ASPH: variants seen among roughly 807,000 people sequenced by gnomAD.
The protein encoded by ASPH is aspartate beta-hydroxylase, also known as aspartyl/asparaginyl beta-hydroxylase.
A neutral mutation model predicts 118.4 loss-of-function variants in ASPH; 100 were observed. The observed-to-expected ratio is 0.84, with a 90% CI of 0.72 to 1.00. The LOEUF (loss-of-function observed/expected upper bound fraction) is 1.00, where lower values mean the gene tolerates loss of function less well. ASPH is among the 50% of genes least tolerant of loss of function. The probability of loss-of-function intolerance (pLI) is 0.00; values close to 1 mark genes in which losing one functional copy is unlikely to be tolerated. For synonymous variants in ASPH, 315 were observed against 325.6 expected (o/e 0.97, Z 0.35); for missense variants, 920 against 919.5 (o/e 1.00, Z -0.01).
chr8:61,536,765 G>A (rs1322273667), intron 21 of ASPH, among the ~76,000 whole-genome samples: 1 of 152,158 alleles, frequency 6.6e-6, no homozygotes, highest in African/African-American at 2.4e-5. Context: ...CTGGCTTCCT[G>A]CAAGTCTGAC....
intron 14 of ASPH, among the ~76,000 whole-genome samples, chr8:61,586,629 G>A (rs1839540881): frequency 6.6e-6 from 1 of 152,136 alleles, no homozygotes; most frequent in Non-Finnish European, 1.5e-5. Flanking sequence ...CCTGAACACA[G>A]GGAATTTAAC....
chr8:61,708,149 GCATTACTCTCTA>G, intron 1 of ASPH, among the ~76,000 whole-genome samples: 1 of 152,198 alleles, frequency 6.6e-6, no homozygotes. Flanking sequence ...GGCATCCACT[GCATTACTCTCTA>G]CAATTATTTA....
Position 61,645,517 on chromosome 8 carries a change from A to G in ASPH, c.620-885T>C, listed in dbSNP as rs1427770457. 6.6e-5 allele frequency among the ~76,000 whole-genome samples: 10 copies of G among 152,356 alleles called. No individual in the cohort carries two copies. In the South Asian group the frequency reaches 1.0e-3, roughly 16 times the overall value. ...AATCATTTTATCAGTATCCCTACTC[A>G]GAAACTGGAAACCTTGTCCCAAAGA... On this transcript the variant is annotated intron_variant, in intron 6 of 24. Transcript: ENST00000379454.
At chr8:61,617,039 C>CTTTGAAGTT (rs1365641597) in intron 14 of ASPH, among the ~76,000 whole-genome samples, 2 of 152,212 alleles carry the variant, frequency 1.3e-5, no homozygotes. Context: ...GATTATTACA[C>CTTTGAAGTT]ATCCAACACA....
At chr8:61,543,617 G>C (rs1452194976) in intron 21 of ASPH, among the ~76,000 whole-genome samples, 1 of 152,042 alleles carries the variant, frequency 6.6e-6, no homozygotes, top group Non-Finnish European at 1.5e-5. Context: ...TCAGCATCAG[G>C]GCCCCTCACA....
At chr8:61,617,002 C>T (rs73265199) in intron 14 of ASPH, among the ~76,000 whole-genome samples, 2,174 of 152,234 alleles carry the variant, frequency 0.014, 55 homozygotes, top group African/African-American at 0.05. Flanking sequence ...GATCAGGAGT[C>T]GGTTTTAGAC....
intron 13 of ASPH, chr8:61,624,405 G>A: frequency 4.1e-6 from 4 of 985,266 alleles, no homozygotes; most frequent in Non-Finnish European, 3.6e-6. Flanking sequence ...TTAACTGGCT[G>A]AAGGTATTCC....
chr8:61,664,967 T>C, intron 3 of ASPH: 1 of 1,150,682 alleles, frequency 8.7e-7, no homozygotes, highest in Non-Finnish European at 1.1e-6. Context: ...TTCAATATAT[T>C]AATCCATAAA....
chr8:61,585,517 C>T (rs970737640), intron 14 of ASPH, among the ~76,000 whole-genome samples: 2 of 152,224 alleles, frequency 1.3e-5, no homozygotes, highest in African/African-American at 2.4e-5. Flanking sequence ...GTCCCCTCTC[C>T]GCCAACACAC....
chr8:61,513,831 G>C (rs528106841), intron 24 of ASPH, among the ~76,000 whole-genome samples: 7 of 152,062 alleles, frequency 4.6e-5, no homozygotes, highest in Non-Finnish European at 8.8e-5. Context: ...GCCTCTGCTA[G>C]GTGAAGATGG....
chr8:61,664,756 A>G, intron 3 of ASPH: 1 of 986,234 alleles, frequency 1.0e-6, no homozygotes, highest in Non-Finnish European at 1.2e-6. Flanking sequence ...AGGGCTGGAG[A>G]GGAGGGAAGG....
chr8:61,714,168 C>T, intron 1 of ASPH, 101 bp downstream of exon 1: 2 of 1,272,170 alleles, frequency 1.6e-6, no homozygotes, highest in South Asian at 2.5e-5. Flanking sequence ...GGAGGCGGCG[C>T]GCGGTGGGAC....
chr8:61,538,318 C>G (rs566512338), intron 21 of ASPH, among the ~76,000 whole-genome samples: 1 of 152,308 alleles, frequency 6.6e-6, no homozygotes, highest in East Asian at 1.9e-4. Flanking sequence ...GTGAAAGTGT[C>G]ATCGAAACCC....
intron 3 of ASPH, among the ~76,000 whole-genome samples, chr8:61,666,568 C>A (rs936384984): frequency 6.6e-6 from 1 of 152,144 alleles, no homozygotes. Flanking sequence ...ATAAAACTTA[C>A]ATAGCACAAA....
chr8:61,619,695 A>C (rs138959791), intron 13 of ASPH, among the ~76,000 whole-genome samples: 51 of 152,304 alleles, frequency 3.3e-4, no homozygotes, highest in Non-Finnish European at 6.3e-4. Flanking sequence ...CATGGAAAAC[A>C]ACAGCATATG....
At chr8:61,635,263 T>C (rs1857222893) in intron 12 of ASPH, among the ~76,000 whole-genome samples, 2 of 152,142 alleles carry the variant, frequency 1.3e-5, no homozygotes, top group Non-Finnish European at 2.9e-5. Context: ...ACACAATGGC[T>C]GTTCACCTTC....
chr8:61,546,433 T>C (rs1823894364), intron 21 of ASPH, among the ~76,000 whole-genome samples: 1 of 152,112 alleles, frequency 6.6e-6, no homozygotes, highest in South Asian at 2.1e-4. Context: ...TGGGATCCAA[T>C]CTGAGGGAGG....
chr8:61,675,434 GAA>G lies in ASPH; in HGVS notation c.322+5532_322+5533del, dbSNP rs564017462. ...ACAGAAATATGTCATGCTACTATCTGAAAACAGTAAGTTAACTTACTCTAAGG... is the reference window on the plus strand; with the variant it reads ...ACAGAAATATGTCATGCTACTATCTGAACAGTAAGTTAACTTACTCTAAGG... On this transcript the variant is annotated intron_variant, in intron 3 of 24. Coordinates refer to ENST00000379454, the MANE Select transcript of ASPH (RefSeq NM_004318.4). 3,677 of 984,156 alleles carry G rather than the reference GAA, an allele frequency of 3.7e-3. 19 individuals are homozygous for G. The highest frequency in any genetic ancestry group is 4.1e-3 in the Non-Finnish European group (3,382 of 828,906). The allele number at this position is 984,156 out of a possible 1,614,324, so 61.0% of individuals were successfully genotyped here.
At chr8:61,699,535 A>G (rs1834744938) in intron 1 of ASPH, among the ~76,000 whole-genome samples, 1 of 152,210 alleles carries the variant, frequency 6.6e-6, no homozygotes, top group Non-Finnish European at 1.5e-5. Context: ...CTAAAAATTC[A>G]TTATTCTAAT....
Sources: allele counts gnomAD v4.1 joint callset (sites outside exome capture counted in the v4.1 genomes callset), GRCh38; gene constraint gnomAD v4.1.1; transcripts MANE v1.5; gene names NCBI Gene and HGNC (gene_info 2026-07-23, HGNC 2026-07-21).